DENND4C: variants seen among roughly 807,000 people sequenced by gnomAD.
DENND4C encodes DENN domain-containing protein 4C.
Under a neutral mutation model 203.0 loss-of-function variants are expected in DENND4C, and 108 were observed. That is an observed-to-expected ratio of 0.53 (90% CI 0.46 to 0.62). DENND4C has a LOEUF of 0.62. Ranked by LOEUF, DENND4C falls within the 20% of genes least tolerant of loss-of-function variation. DENND4C has a pLI of 0.00. For synonymous variants in DENND4C, 871 were observed against 792.4 expected (o/e 1.10, Z -1.67); for missense variants, 2,481 against 2,301.2 (o/e 1.08, Z -1.60).
Position 19,286,871 on chromosome 9 carries a change from A to G in DENND4C, c.408A>G (p.Ser136=). 8.1e-7 allele frequency: 1 copy of G among 1,232,164 alleles called. No individual in the cohort carries two copies. The highest frequency in any genetic ancestry group is 1.0e-6 in the Non-Finnish European group (1 of 987,968). 76.3% of individuals were successfully genotyped at this position (1,232,164 alleles called of 1,614,324 possible). A position where few individuals can be genotyped will look rare whatever the true frequency, so the allele number is the denominator to read the frequency against. The change falls in exon 3 of 33, where the codon TCA becomes TCG. Residue 136 remains serine (S), a synonymous_variant. Coordinates refer to ENST00000434457, the MANE Select transcript of DENND4C (RefSeq NM_001330640.2). The stretch of plus-strand genomic sequence containing the variant: ...ATGTCAACAATAGTTCAACTACTTC[A>G]CAAAGAATCTTTATCACTTATCGAA... ...CANVNNSSTT[S]QRIFITYRRA...
At chr9:19,274,585 G>A (rs73429033) in intron 1 of DENND4C, among the ~76,000 whole-genome samples, 8 of 151,962 alleles carry the variant, frequency 5.3e-5, no homozygotes, top group African/African-American at 1.5e-4. Flanking sequence ...GTGAGCCACC[G>A]TGCCCGGCCT....
intron 20 of DENND4C, among the ~76,000 whole-genome samples, chr9:19,338,985 CAA>C (rs1821058543): frequency 6.6e-6 from 1 of 151,900 alleles, no homozygotes; most frequent in South Asian, 2.1e-4. Flanking sequence ...AGTATAAAGT[CAA>C]AAAAGACTTT....
In DENND4C at chr9:19,346,155, T is replaced by C; in HGVS notation, c.3386T>C (p.Leu1129Pro). ...AIMMGADAKI[L>P]TAALTCPKTS... ...ATGATGGGAGCAGATGCCAAGATTC[T>C]CACAGCAGCATTGACATGTCCTAAG... The change falls in exon 23 of 33, where the codon CTC (leucine) becomes CCC (proline). Residue 1129 changes from leucine (L) to proline (P), a missense_variant. Transcript: ENST00000434457. 1.2e-6 allele frequency: 2 copies of C among 1,614,216 alleles called. No homozygotes were observed. Among genetic ancestry groups the C allele is most frequent in the Non-Finnish European group, 8.5e-7 (1 of 1,180,030 alleles).
chr9:19,276,743 C>G (rs960639933), intron 2 of DENND4C: 15 of 253,856 alleles, frequency 5.9e-5, no homozygotes, highest in African/African-American at 3.3e-4. Context: ...CCTAAAGTGT[C>G]ATTTTGTTTC....
At chr9:19,328,922 G>A (rs1368522693) in intron 16 of DENND4C, among the ~76,000 whole-genome samples, 2 of 151,952 alleles carry the variant, frequency 1.3e-5, no homozygotes, top group East Asian at 1.9e-4. Flanking sequence ...GTGGTTGCAT[G>A]CCTGTAATCC....
chr9:19,270,338 C>T (rs1831387947), intron 1 of DENND4C, among the ~76,000 whole-genome samples: 1 of 152,092 alleles, frequency 6.6e-6, no homozygotes, highest in Non-Finnish European at 1.5e-5. Context: ...TGTGTTTTTC[C>T]CTTCAGGGTG....
At chr9:19,299,637 A>T (rs1358730276) in intron 8 of DENND4C, among the ~76,000 whole-genome samples, 1 of 152,192 alleles carries the variant, frequency 6.6e-6, no homozygotes, top group Non-Finnish European at 1.5e-5. Flanking sequence ...TTTCATCTGC[A>T]TCATAGTAGG....
rs539266824 is a variant in DENND4C at position 19,238,083 on chromosome 9, C to CT, written c.-18+7266dup. 3.7e-3 allele frequency among the ~76,000 whole-genome samples: 511 copies of CT among 138,386 alleles called. 2 individuals carry two copies. Among genetic ancestry groups the CT allele is most frequent in the African/African-American group, 8.3e-3 (313 of 37,904 alleles). The allele number at this position is 138,386 out of a possible 152,430, so 90.8% of individuals were successfully genotyped here. On this transcript the variant is annotated intron_variant, in intron 1 of 32. Transcript: ENST00000434457. ...TGACTCTTCCTCTGTTTCTTTCTTT[C>CT]TTTTTTTTTTTTTTTTGAGATAGAG...
chr9:19,242,415 A>T (rs1823985096), intron 1 of DENND4C, among the ~76,000 whole-genome samples: 2 of 152,202 alleles, frequency 1.3e-5, no homozygotes, highest in African/African-American at 4.8e-5. Flanking sequence ...TAAGTTTTTA[A>T]ATCAATTTGG....
intron 1 of DENND4C, among the ~76,000 whole-genome samples, chr9:19,240,604 T>C (rs1034780561): frequency 6.6e-6 from 1 of 151,500 alleles, no homozygotes; most frequent in Non-Finnish European, 1.5e-5. Context: ...ACACGGAGGT[T>C]GCAGTGAGCC....
chr9:19,336,171 G>GTATATATA (rs148975875), intron 18 of DENND4C, 99 bp from the exon 19 acceptor site: 26,926 of 910,422 alleles, frequency 0.03, 302 homozygotes, highest in Middle Eastern at 0.087. Context: ...TTATATTTGT[G>GTATATATA]TATATATATA....
chr9:19,334,901 G>T (rs1820091004), intron 17 of DENND4C, 76 bp from the exon 18 acceptor site: 2 of 1,343,438 alleles, frequency 1.5e-6, no homozygotes, highest in Non-Finnish European at 2.0e-6. Flanking sequence ...TTCATGGAAA[G>T]AATTCAGTAA....
At chr9:19,305,677 A>C (rs2131378996) in intron 10 of DENND4C, 150 bp downstream of exon 10, 1 of 693,120 alleles carries the variant, frequency 1.4e-6, no homozygotes, top group South Asian at 2.4e-5. Context: ...CAGGTATCAG[A>C]ATCTGGGAAT....
chr9:19,269,521 A>G (rs569351021), intron 1 of DENND4C, among the ~76,000 whole-genome samples: 47 of 152,292 alleles, frequency 3.1e-4, no homozygotes, highest in African/African-American at 7.7e-4. Context: ...TGCTAAATCA[A>G]TTCTGCTGTT....
intron 9 of DENND4C, among the ~76,000 whole-genome samples, chr9:19,304,863 G>GGAGATGGAGTTTCACTC (rs1563783403): frequency 6.7e-6 from 1 of 149,748 alleles, no homozygotes. Context: ...ATTTTTTTTT[G>GGAGATGGAGTTTCACTC]TTGAGCTCTT....
chr9:19,312,967 C>A (rs971765338), intron 10 of DENND4C, among the ~76,000 whole-genome samples: 1 of 152,046 alleles, frequency 6.6e-6, no homozygotes, highest in Non-Finnish European at 1.5e-5. Context: ...TAACATTTGT[C>A]TTTTTATTGA....
In DENND4C at chr9:19,345,940, G is replaced by A. The variant is rs1349593720; in HGVS notation, c.3171G>A (p.Leu1057=). The A allele has an allele frequency of 6.2e-7, 1 of 1,612,590 alleles. No individual in the cohort carries two copies. Among genetic ancestry groups the A allele is most frequent in the Admixed American group, 1.7e-5 (1 of 59,908 alleles). Residue 1057 remains leucine (L), a synonymous_variant, in exon 23 of 33, where the codon CTG becomes CTA. Coordinates refer to ENST00000434457, the MANE Select transcript of DENND4C (RefSeq NM_001330640.2). ...TTTTAGGTAGTATATCAAATGTGCT[G>A]TTTTCTACTCAAGATCCAGTTGAAG... ...KSSTGSISNV[L]FSTQDPVEDA... is the part of the protein sequence containing the mutation.
At position 19,373,227 on chromosome 9, in the gene DENND4C, G is replaced by A. The variant is rs913910798; in HGVS notation, c.*1054G>A. 1 of 152,116 alleles carries A rather than the reference G, an allele frequency of 6.6e-6. No homozygotes were observed. Among genetic ancestry groups the A allele is most frequent in the Non-Finnish European group, 1.5e-5 (1 of 68,012 alleles). 9.4% of individuals were successfully genotyped at this position (152,116 alleles called of 1,614,324 possible). A position where few individuals can be genotyped will look rare whatever the true frequency, so the allele number is the denominator to read the frequency against. On this transcript the variant is annotated 3_prime_UTR_variant, in exon 33 of 33. Coordinates refer to ENST00000434457, the MANE Select transcript of DENND4C (RefSeq NM_001330640.2). Reference sequence around the variant, plus strand: ...TATTATGTATTATCTTGCTTAATGGGTTTTATCTTGATTATCCAGTTACTT... The same window carrying A: ...TATTATGTATTATCTTGCTTAATGGATTTTATCTTGATTATCCAGTTACTT...
chr9:19,284,234 T>C (rs1834753087), intron 2 of DENND4C, among the ~76,000 whole-genome samples: 1 of 152,240 alleles, frequency 6.6e-6, no homozygotes, highest in South Asian at 2.1e-4. Flanking sequence ...TTTTGTACTT[T>C]GCCTTTTTCA....
Sources: allele counts gnomAD v4.1 joint callset (sites outside exome capture counted in the v4.1 genomes callset), GRCh38; gene constraint gnomAD v4.1.1; transcripts MANE v1.5; gene names NCBI Gene and HGNC (gene_info 2026-07-23, HGNC 2026-07-21).